The following RAPH1 variants were observed in gnomAD, a reference collection of about 807,000 sequenced individuals.
RAPH1 encodes ras-associated and pleckstrin homology domains-containing protein 1.
A neutral mutation model predicts 88.1 loss-of-function variants in RAPH1; 18 were observed. The ratio of observed to expected loss-of-function variants is 0.20; its 90% CI spans 0.14 to 0.30. The LOEUF is 0.30. Among genes scored for constraint, RAPH1 ranks in the 10% least tolerant of loss-of-function variants. The pLI is 1.00. For missense variants in RAPH1, 1,448 were observed against 1,543.2 expected, an observed-to-expected ratio of 0.94 and a Z score of 1.03; for synonymous variants, 587 against 559.0, an observed-to-expected ratio of 1.05 and a Z score of -0.71.
intron 4 of RAPH1, among the ~76,000 whole-genome samples, chr2:203,481,091 A>G (rs1364885027): frequency 6.6e-6 from 1 of 152,216 alleles, no homozygotes; most frequent in Admixed American, 6.5e-5. Flanking sequence ...ATATTTTTAA[A>G]AAATACAAAA....
chr2:203,472,132 T>C (rs942007066), intron 4 of RAPH1, among the ~76,000 whole-genome samples: 1 of 151,410 alleles, frequency 6.6e-6, no homozygotes, highest in Non-Finnish European at 1.5e-5. Context: ...TAGTTCTTTT[T>C]TTTTTTTTTT....
rs554347860 is a variant in RAPH1 at position 203,437,957 on chromosome 2, A to C, written c.*1480T>G. The C allele has an allele frequency of 7.6e-5, 25 of 330,282 alleles. No individual in the cohort carries two copies. The highest frequency in any genetic ancestry group is 4.2e-5 in the Non-Finnish European group (7 of 168,124). 20.5% of individuals were successfully genotyped at this position (330,282 alleles called of 1,614,324 possible). On this transcript the variant is annotated 3_prime_UTR_variant, in exon 14 of 14. Coordinates refer to ENST00000319170, the MANE Select transcript of RAPH1 (RefSeq NM_213589.3). ...GAGATTGTTTTATTCCTAATAGTCC[A>C]ATTTATCATAAGTTGATGAGAGTAC...
chr2:203,443,652 AG>A (rs1461568178), intron 13 of RAPH1: 1 of 151,718 alleles, frequency 6.6e-6, no homozygotes, highest in Non-Finnish European at 1.5e-5. Flanking sequence ...AAAAAAAAAA[AG>A]GTAAGGAATG....
At chr2:203,492,008 C>T (rs1304695971) in intron 2 of RAPH1, among the ~76,000 whole-genome samples, 2 of 151,858 alleles carry the variant, frequency 1.3e-5, no homozygotes, top group Admixed American at 6.6e-5. Context: ...CAGAGGCAGG[C>T]GGATCAACTG....
rs1690572925 is a variant in RAPH1 at position 203,535,298 on chromosome 2, C to CTGAG, written c.-189_-188insCTCA. 6.6e-6 allele frequency: 1 copy of CTGAG among 150,966 alleles called. No homozygotes were observed. The highest frequency in any genetic ancestry group is 6.6e-5 in the Admixed American group (1 of 15,064). The allele number at this position is 150,966 out of a possible 1,614,324, so 9.4% of individuals were successfully genotyped here. On this transcript the variant is annotated 5_prime_UTR_variant, in exon 1 of 14. Transcript: ENST00000319170. ...ACTGACTGACTGACTGACTGACTGA[C>CTGAG]TGGCGGGCGGCGGCGGGAGCGGGGG...
Position 203,440,749 on chromosome 2 carries a change from T to C in RAPH1, c.2441A>G (p.Lys814Arg), listed in dbSNP as rs1294672231. ...AGAAGCAGGGAAAGCTGGCTGCTTT[T>C]TTGCTGGGGGCACTGGAGGAGTAGG... ...PTPTPPVPPA[K>R]KQPAFPASYI... Residue 814 changes from lysine (K) to arginine (R), a missense_variant, in exon 14 of 14, where the codon AAA becomes AGA. By Grantham distance (26) the Lys-to-Arg change is conservative. Coordinates refer to ENST00000319170, the MANE Select transcript of RAPH1 (RefSeq NM_213589.3). The C allele has an allele frequency of 2.5e-6, 4 of 1,610,782 alleles. No homozygotes were observed. The highest frequency in any genetic ancestry group is 1.3e-5 in the African/African-American group (1 of 74,536).
At chr2:203,512,709 G>A (rs901169381) in intron 1 of RAPH1, among the ~76,000 whole-genome samples, 2 of 140,266 alleles carry the variant, frequency 1.4e-5, no homozygotes, top group African/African-American at 2.7e-5. Context: ...TGCCACCTCC[G>A]CCTCCCAGGT....
At chr2:203,512,266 T>C (rs1689376143) in intron 1 of RAPH1, among the ~76,000 whole-genome samples, 1 of 136,078 alleles carries the variant, frequency 7.3e-6, no homozygotes, top group African/African-American at 2.8e-5. Flanking sequence ...CTGTCTCTAC[T>C]AAAAATACAA....
chr2:203,473,641 C>T (rs1265812570), intron 4 of RAPH1, among the ~76,000 whole-genome samples: 1 of 151,754 alleles, frequency 6.6e-6, no homozygotes, highest in Non-Finnish European at 1.5e-5. Context: ...TGAGTAAGGC[C>T]ATTCTGTTTA....
intron 1 of RAPH1, among the ~76,000 whole-genome samples, chr2:203,527,107 A>C (rs1690157191): frequency 1.3e-5 from 2 of 152,184 alleles, no homozygotes; most frequent in South Asian, 4.2e-4. Context: ...GTAAGACTGT[A>C]TAGTAGTTTC....
At chr2:203,501,815 G>GA (rs56269110) in intron 1 of RAPH1, among the ~76,000 whole-genome samples, 8,764 of 106,550 alleles carry the variant, frequency 0.082, 776 homozygotes, top group African/African-American at 0.23. Context: ...TAAGCATTAT[G>GA]AAAAAAAAAA....
intron 1 of RAPH1, among the ~76,000 whole-genome samples, chr2:203,524,416 A>G (rs933112593): frequency 6.6e-6 from 1 of 152,222 alleles, no homozygotes; most frequent in African/African-American, 2.4e-5. Flanking sequence ...ACACGTCCTC[A>G]TAGGTATTCA....
chr2:203,477,491 G>C (rs116101831), intron 4 of RAPH1, among the ~76,000 whole-genome samples: 1 of 152,068 alleles, frequency 6.6e-6, no homozygotes, highest in Non-Finnish European at 1.5e-5. Flanking sequence ...GTTTGGCAGT[G>C]CTCTTATTAA....
Position 203,481,426 on chromosome 2 carries a change from C to G in RAPH1, c.732+8158G>C, listed in dbSNP as rs186523845. The stretch of plus-strand genomic sequence containing the variant: ...ACATAAAGCACAATGGCTAACAGAA[C>G]AAGCACTCAATTTTTCTATTTTGCC... On this transcript the variant is annotated intron_variant, in intron 4 of 13. Coordinates refer to ENST00000319170, the MANE Select transcript of RAPH1 (RefSeq NM_213589.3). 1.6e-3 allele frequency among the ~76,000 whole-genome samples: 247 copies of G among 152,236 alleles called. 2 individuals are homozygous for G. The highest frequency in any genetic ancestry group is 0.014 in the Admixed American group (211 of 15,294).
intron 1 of RAPH1, among the ~76,000 whole-genome samples, chr2:203,517,893 T>C (rs543613074): frequency 3.3e-5 from 5 of 152,296 alleles, no homozygotes; most frequent in Admixed American, 6.5e-5. Flanking sequence ...ATTTATAGCA[T>C]TGAATGTCTG....
At chr2:203,513,910 TCTCAGCTCA>T (rs1689478978) in intron 1 of RAPH1, among the ~76,000 whole-genome samples, 1 of 151,612 alleles carries the variant, frequency 6.6e-6, no homozygotes, top group African/African-American at 2.4e-5. Context: ...AGTGGTGTGA[TCTCAGCTCA>T]CTGCAGCCTC....
Position 203,503,778 on chromosome 2 carries a change from G to T in RAPH1, c.1-8425C>A, listed in dbSNP as rs184895344. 4.4e-3 allele frequency among the ~76,000 whole-genome samples: 669 copies of T among 152,282 alleles called. 3 individuals carry two copies. The highest frequency in any genetic ancestry group is 6.5e-3 in the Non-Finnish European group (439 of 68,032). On this transcript the variant is annotated intron_variant, in intron 1 of 13. Transcript: ENST00000319170. ...AGCCTATAAAATCAAAAGCAAGCTA[G>T]TTACTTCCCAGATACAATGGGGGTA...
rs962095681 is a variant in RAPH1 at position 203,448,432 on chromosome 2, T to C, written c.1512+306A>G. Among the ~76,000 whole-genome samples, 9 of 152,214 alleles carry C rather than the reference T, an allele frequency of 5.9e-5. No individual in the cohort carries two copies. Among genetic ancestry groups the C allele is most frequent in the Admixed American group, 5.9e-4 (9 of 15,280 alleles). On this transcript the variant is annotated intron_variant, in intron 11 of 13. Transcript: ENST00000319170. The surrounding 1 kb of genome is among the most constrained non-coding windows in gnomAD (Gnocchi z 4.1). ...AAAGTAATTTAATTTTTCCAAAACT[T>C]ACTTTGCTTAGGCTAAACTCTACTA...
At chr2:203,441,811 G>C (rs2098504490) in intron 13 of RAPH1, 1 of 1,292,216 alleles carries the variant, frequency 7.7e-7, no homozygotes, top group Admixed American at 3.8e-5. Flanking sequence ...AGATGTGATG[G>C]CTCCAGTTTA....
Sources: allele counts gnomAD v4.1 joint callset (sites outside exome capture counted in the v4.1 genomes callset), GRCh38; gene constraint gnomAD v4.1.1; non-coding constraint Gnocchi (gnomAD v3.1); transcripts MANE v1.5; gene names NCBI Gene and HGNC (gene_info 2026-07-23, HGNC 2026-07-21).